DSCAM: variants seen among roughly 807,000 people sequenced by gnomAD.
DSCAM encodes the protein DS cell adhesion molecule.
Under a neutral mutation model 217.7 loss-of-function variants are expected in DSCAM, and 47 were observed. The observed-to-expected ratio is 0.22, with a 90% CI of 0.17 to 0.28. DSCAM has a LOEUF of 0.28. Ranked by LOEUF, DSCAM falls within the 10% of genes least tolerant of loss-of-function variation. The pLI is 1.00. For synonymous variants in DSCAM, 1,056 were observed against 1,015.3 expected, an observed-to-expected ratio of 1.04 and a Z score of -0.76; for missense variants, 2,080 against 2,618.3, an observed-to-expected ratio of 0.79 and a Z score of 4.49.
chr21:40,726,516 T>C (rs2090956740), intron 1 of DSCAM, among the ~76,000 whole-genome samples: 1 of 150,804 alleles, frequency 6.6e-6, no homozygotes, highest in South Asian at 2.1e-4. Flanking sequence ...CTTAAAAATA[T>C]GGGTCTGAAC....
intron 1 of DSCAM, among the ~76,000 whole-genome samples, chr21:40,736,935 T>C (rs1208189687): frequency 1.3e-5 from 2 of 152,206 alleles, no homozygotes; most frequent in African/African-American, 2.4e-5. Flanking sequence ...TGGAATATTA[T>C]GGATCAAAAA....
At chr21:40,013,452 G>T in intron 32 of DSCAM, 66 bp from the exon 33 acceptor site, 1 of 1,233,942 alleles carries the variant, frequency 8.1e-7, no homozygotes, top group Non-Finnish European at 1.1e-6. Flanking sequence ...AATGTCCTGT[G>T]TGCACACGGG....
chr21:40,780,884 T>G (rs1404485374), intron 1 of DSCAM, among the ~76,000 whole-genome samples: 1 of 152,242 alleles, frequency 6.6e-6, no homozygotes, highest in African/African-American at 2.4e-5. Flanking sequence ...TTGAATTGTT[T>G]ATGTACACTA....
chr21:40,614,990 G>GCA (rs1323878203), intron 3 of DSCAM, among the ~76,000 whole-genome samples: 2 of 150,756 alleles, frequency 1.3e-5, no homozygotes, highest in Admixed American at 1.3e-4. Flanking sequence ...GTATGCATGT[G>GCA]CACACACACA....
chr21:40,187,869 T>A (rs766289526), intron 13 of DSCAM, 22 bp downstream of exon 13: 69 of 1,592,366 alleles, frequency 4.3e-5, no homozygotes, highest in Non-Finnish European at 5.7e-5. Flanking sequence ...GTGTTTATTC[T>A]CTTACGCTAT....
intron 32 of DSCAM, among the ~76,000 whole-genome samples, chr21:40,017,998 T>A (rs957595368): frequency 6.7e-6 from 1 of 150,022 alleles, no homozygotes; most frequent in Non-Finnish European, 1.5e-5. Flanking sequence ...GGTTCAGGAA[T>A]CTCTTGCCAT....
At chr21:40,604,783 C>T (rs1304773792) in intron 3 of DSCAM, among the ~76,000 whole-genome samples, 1 of 152,198 alleles carries the variant, frequency 6.6e-6, no homozygotes, top group Non-Finnish European at 1.5e-5. Context: ...GCTCTCCATA[C>T]TCTTAAGATA....
intron 3 of DSCAM, among the ~76,000 whole-genome samples, chr21:40,605,791 CTTTTTTTTTT>C (rs755767800): frequency 1.0e-3 from 62 of 62,012 alleles, no homozygotes; most frequent in Admixed American, 1.2e-3. Flanking sequence ...AATGCACATT[CTTTTTTTTTT>C]TTTTTTTTTT....
At chr21:40,726,802 T>G (rs960897318) in intron 1 of DSCAM, among the ~76,000 whole-genome samples, 4 of 152,184 alleles carry the variant, frequency 2.6e-5, no homozygotes, top group African/African-American at 9.7e-5. Context: ...TATTGGGTCA[T>G]GTAGGCTCTG....
chr21:40,321,901 A>G (rs960377974), intron 8 of DSCAM, among the ~76,000 whole-genome samples: 2 of 152,072 alleles, frequency 1.3e-5, no homozygotes, highest in Non-Finnish European at 2.9e-5. Flanking sequence ...CACTCTGATC[A>G]TCTTATAATG....
chr21:40,639,434 A>C (rs1316088967), intron 3 of DSCAM, among the ~76,000 whole-genome samples: 2 of 152,174 alleles, frequency 1.3e-5, no homozygotes, highest in African/African-American at 4.8e-5. Flanking sequence ...CAGTGGGAAA[A>C]ATAGATTTGA....
intron 3 of DSCAM, among the ~76,000 whole-genome samples, chr21:40,411,091 G>C (rs1349173247): frequency 6.6e-6 from 1 of 151,446 alleles, no homozygotes; most frequent in African/African-American, 2.4e-5. Context: ...AGTCTAGCAG[G>C]GGAGTATTGG....
chr21:40,143,975 G>T (rs2837453), intron 17 of DSCAM, among the ~76,000 whole-genome samples: 46,366 of 151,976 alleles, frequency 0.31, 8,958 homozygotes, highest in African/African-American at 0.54. Flanking sequence ...GAGCTTCTGG[G>T]TTATTCTCAG....
At chr21:40,047,948 TG>T (rs1185849684) in intron 30 of DSCAM, among the ~76,000 whole-genome samples, 1 of 152,218 alleles carries the variant, frequency 6.6e-6, no homozygotes, top group Non-Finnish European at 1.5e-5. Context: ...TGCGTACATG[TG>T]AAGTCTATTC....
At chr21:40,381,063 A>AT (rs1491296194) in intron 3 of DSCAM, among the ~76,000 whole-genome samples, 30 of 40,108 alleles carry the variant, frequency 7.5e-4, no homozygotes, top group African/African-American at 3.1e-3. Flanking sequence ...ACTCCGTCTC[A>AT]AAAAAAAAAA....
intron 20 of DSCAM, among the ~76,000 whole-genome samples, chr21:40,111,765 C>A (rs1193866338): frequency 6.6e-6 from 1 of 152,030 alleles, no homozygotes. Flanking sequence ...GGGTTGCAAT[C>A]CCAGTCTCTG....
intron 3 of DSCAM, among the ~76,000 whole-genome samples, chr21:40,672,280 T>C (rs1046964599): frequency 1.4e-4 from 22 of 152,182 alleles, no homozygotes; most frequent in African/African-American, 5.1e-4. Flanking sequence ...GTCTTTAGTT[T>C]AGCTTAAGTA....
At chr21:40,790,155 A>G (rs1179046969) in intron 1 of DSCAM, among the ~76,000 whole-genome samples, 1 of 150,220 alleles carries the variant, frequency 6.7e-6, no homozygotes, top group Non-Finnish European at 1.5e-5. Flanking sequence ...ATAGCCCCCT[A>G]GGATGCAAAC....
chr21:40,833,825 C>A (rs1414314279), intron 1 of DSCAM, among the ~76,000 whole-genome samples: 2 of 152,158 alleles, frequency 1.3e-5, no homozygotes, highest in Non-Finnish European at 2.9e-5. Flanking sequence ...CTATTTAAGT[C>A]TGTGTTCTCA....
Sources: gnomAD v4.1 joint callset for allele counts (sites outside exome capture counted in the v4.1 genomes callset) on GRCh38, gnomAD v4.1.1 for gene constraint, MANE v1.5 for transcripts, NCBI Gene and HGNC (gene_info 2026-07-23, HGNC 2026-07-21) for gene names.